DST: variants seen among roughly 807,000 people sequenced by gnomAD.
The protein encoded by DST is dystonin, also known as bullous pemphigoid antigen.
A neutral mutation model predicts 875.2 loss-of-function variants in DST; 253 were observed. The observed-to-expected ratio is 0.29, with a 90% confidence interval of 0.26 to 0.32. The LOEUF is 0.32. Ranked by LOEUF, DST falls within the 10% of genes least tolerant of loss-of-function variation. The pLI is 1.00. For missense variants in DST, 8,287 were observed against 9,111.6 expected, an observed-to-expected ratio of 0.91 and a Z score of 3.68; for synonymous variants, 3,124 against 3,197.1, an observed-to-expected ratio of 0.98 and a Z score of 0.77.
intron 10 of DST, among the ~76,000 whole-genome samples, chr6:56,663,925 A>G (rs767814684): frequency 1.3e-5 from 2 of 152,148 alleles, no homozygotes. Context: ...CTATGAAAAG[A>G]CTGCCAGGGA....
At position 56,593,999 on chromosome 6, in the gene DST, G is replaced by C. The variant is rs764958407; in HGVS notation, c.12390C>G (p.His4130Gln). ...ACTTTTCTAATTCTTCCTGCAGAGA[G>C]TGAGTTAACTTCATTTTCTTCTCTG... is the stretch of plus-strand genomic sequence containing the variant. ...AESEKKMKLTHSLQEELEKFD... is the reference protein window; with the variant it reads ...AESEKKMKLTQSLQEELEKFD... Residue 4130 changes from histidine to glutamine, a missense_variant, in exon 48 of 104, where the codon CAC becomes CAG. Physicochemically the swap from His to Gln is conservative, Grantham distance 24 (BLOSUM62 0). This residue lies in a region of DST where 1,513 missense variants were observed against 1,677.8 expected (regional missense o/e 0.90). Coordinates refer to ENST00000680361, the MANE Select transcript of DST (RefSeq NM_001374736.1). 2.5e-5 allele frequency: 40 copies of C among 1,613,840 alleles called. No homozygotes were observed. Among genetic ancestry groups the C allele is most frequent in the Admixed American group, 5.0e-5 (3 of 60,008 alleles).
intron 4 of DST, among the ~76,000 whole-genome samples, chr6:56,826,685 T>C (rs1562046447): frequency 6.6e-6 from 1 of 152,346 alleles, no homozygotes; most frequent in East Asian, 1.9e-4. Flanking sequence ...TACTTATTAG[T>C]TGCTTAACAT....
intron 4 of DST, among the ~76,000 whole-genome samples, chr6:56,747,117 G>T (rs558951913): frequency 1.3e-5 from 2 of 152,304 alleles, no homozygotes; most frequent in South Asian, 4.2e-4. Flanking sequence ...ATTATACTGC[G>T]TGAAGAGTCT....
chr6:56,850,428 C>A (rs199879226), intron 4 of DST, among the ~76,000 whole-genome samples: 1,174 of 101,498 alleles, frequency 0.012, 2 homozygotes, highest in Middle Eastern at 0.053. Flanking sequence ...AAAAAAAAAA[C>A]AACTGTGGAA....
intron 39 of DST, 144 bp downstream of exon 39, chr6:56,610,283 T>G: frequency 1.6e-6 from 1 of 623,572 alleles, no homozygotes; most frequent in South Asian, 2.6e-5. Flanking sequence ...CACTGGAATC[T>G]CCAAACATTT....
At position 56,459,175 on chromosome 6, in the gene DST, A is replaced by T; in HGVS notation, c.23287T>A (p.Phe7763Ile). 1 of 1,613,956 alleles carries T rather than the reference A, an allele frequency of 6.2e-7. No individual in the cohort carries two copies. Among genetic ancestry groups the T allele is most frequent in the Non-Finnish European group, 8.5e-7 (1 of 1,179,886 alleles). The change falls in exon 104 of 104, where the codon TTT becomes ATT. Residue 7763 changes from phenylalanine (F) to isoleucine (I), a missense_variant. Phe to Ile is a conservative substitution (Grantham distance 21, BLOSUM62 0). Coordinates refer to ENST00000680361, the MANE Select transcript of DST (RefSeq NM_001374736.1). ...SSRRGSDASDFDISEIQSVCS... is the reference protein window; with the variant it reads ...SSRRGSDASDIDISEIQSVCS... ...ACGGACTGGATTTCTGAAATGTCAA[A>T]GTCTGATGCATCACTGCCTCGGCGG...
intron 49 of DST, among the ~76,000 whole-genome samples, chr6:56,580,829 C>T (rs1159146791): frequency 6.8e-6 from 1 of 147,822 alleles, no homozygotes; most frequent in African/African-American, 2.5e-5. Flanking sequence ...ACCTCACAAG[C>T]TCAGGTGATC....
At chr6:56,517,368 A>C in intron 70 of DST, 63 bp from the exon 71 acceptor site, 2 of 1,588,904 alleles carry the variant, frequency 1.3e-6, no homozygotes, top group Admixed American at 3.4e-5. Flanking sequence ...AAATGAAAAC[A>C]ATTAGGCTAA....
intron 3 of DST, among the ~76,000 whole-genome samples, chr6:56,881,352 A>G (rs1450389926): frequency 1.3e-5 from 2 of 152,088 alleles, no homozygotes; most frequent in African/African-American, 4.8e-5. Context: ...ACATGCCTGT[A>G]GTCCCAGCTA....
intron 1 of DST, among the ~76,000 whole-genome samples, chr6:56,954,045 G>A (rs945160242): frequency 1.3e-5 from 2 of 152,226 alleles, no homozygotes; most frequent in Non-Finnish European, 2.9e-5. Context: ...GGGGAGCCCC[G>A]AAGTTTCCAT....
chr6:56,787,026 C>T (rs1421580249), intron 4 of DST, among the ~76,000 whole-genome samples: 3 of 152,242 alleles, frequency 2.0e-5, no homozygotes, highest in Non-Finnish European at 2.9e-5. Context: ...TGCCAGGCAC[C>T]GTTTCAACAA....
intron 4 of DST, among the ~76,000 whole-genome samples, chr6:56,789,175 A>T (rs549377031): frequency 1.2e-4 from 18 of 152,092 alleles, no homozygotes; most frequent in African/African-American, 2.2e-4. Flanking sequence ...TATAAAAAAA[A>T]TTTTTTTTAA....
chr6:56,596,260 C>A (rs772282270), intron 47 of DST, among the ~76,000 whole-genome samples: 14 of 152,072 alleles, frequency 9.2e-5, no homozygotes, highest in Non-Finnish European at 1.6e-4. Flanking sequence ...ATCTCCTGAC[C>A]TTGTGATCCA....
chr6:56,594,220 C>T lies in DST; in HGVS notation c.12196-27G>A, dbSNP rs558521569. The T allele has an allele frequency of 9.3e-5, 139 of 1,500,492 alleles. 3 individuals carry two copies. The South Asian group carries it at 1.8e-3, about 19-fold the overall frequency. 92.9% of individuals were successfully genotyped at this position (1,500,492 alleles called of 1,614,324 possible). A position where few individuals can be genotyped will look rare whatever the true frequency, so the allele number is the denominator to read the frequency against. ...TATGTGAAAACAAATTGATCATAAT[C>T]TTCAAGCAGTAACGGGGTAACACCT... On this transcript the variant is annotated intron_variant, in intron 47 of 103. Coordinates refer to ENST00000680361, the MANE Select transcript of DST (RefSeq NM_001374736.1).
At chr6:56,491,465 C>G (rs181990260) in intron 85 of DST, among the ~76,000 whole-genome samples, 97 of 152,240 alleles carry the variant, frequency 6.4e-4, no homozygotes, top group South Asian at 1.2e-3. Context: ...GTACACCTCT[C>G]TCTTCCATGG....
intron 4 of DST, among the ~76,000 whole-genome samples, chr6:56,830,511 A>C (rs1277849516): frequency 6.6e-6 from 1 of 152,204 alleles, no homozygotes; most frequent in African/African-American, 2.4e-5. Flanking sequence ...ATTTTCCCCA[A>C]GTACTTACAT....
intron 36 of DST, among the ~76,000 whole-genome samples, chr6:56,622,532 G>A (rs1048750992): frequency 2.5e-5 from 3 of 122,100 alleles, no homozygotes; most frequent in South Asian, 2.6e-4. Context: ...CCGAGATCAC[G>A]CCACTGCACT....
At chr6:56,840,717 A>G (rs1313378375) in intron 4 of DST, among the ~76,000 whole-genome samples, 1 of 152,212 alleles carries the variant, frequency 6.6e-6, no homozygotes, top group Non-Finnish European at 1.5e-5. Flanking sequence ...TTTTCTACAG[A>G]GTCTGATTTG....
At chr6:56,874,726 C>G (rs1778896037) in intron 3 of DST, among the ~76,000 whole-genome samples, 1 of 152,210 alleles carries the variant, frequency 6.6e-6, no homozygotes, top group African/African-American at 2.4e-5. Flanking sequence ...CCACATGCAT[C>G]TCAAATCATG....
Sources: gnomAD v4.1 joint callset for allele counts (sites outside exome capture counted in the v4.1 genomes callset) on GRCh38, gnomAD v4.1.1 for gene constraint, gnomAD v4.1.1 regional missense constraint, MANE v1.5 for transcripts, NCBI Gene and HGNC (gene_info 2026-07-23, HGNC 2026-07-21) for gene names.